The following CSMD3 variants were observed in gnomAD, a reference collection of about 807,000 sequenced individuals.
CSMD3 encodes CUB and sushi domain-containing protein 3.
A neutral mutation model predicts 435.2 loss-of-function variants in CSMD3; 177 were observed. That is an observed-to-expected ratio of 0.41 (90% confidence interval 0.36 to 0.46). The LOEUF (loss-of-function observed/expected upper bound fraction) is 0.46, where lower values mean the gene tolerates loss of function less well. Among genes scored for constraint, CSMD3 ranks in the 20% least tolerant of loss-of-function variants. CSMD3 has a pLI of 0.34. For missense variants in CSMD3, 4,265 were observed against 4,504.6 expected, an observed-to-expected ratio of 0.95 and a Z score of 1.52; for synonymous variants, 1,656 against 1,520.5, an observed-to-expected ratio of 1.09 and a Z score of -2.07.
At chr8:113,214,864 G>A (rs1173333680) in intron 3 of CSMD3, among the ~76,000 whole-genome samples, 1 of 151,712 alleles carries the variant, frequency 6.6e-6, no homozygotes, top group Non-Finnish European at 1.5e-5. Context: ...AATATATGGT[G>A]TTTCAGGTAT....
chr8:112,865,097 T>A (rs950004156), intron 10 of CSMD3, among the ~76,000 whole-genome samples: 1 of 152,178 alleles, frequency 6.6e-6, no homozygotes, highest in Non-Finnish European at 1.5e-5. Context: ...TGTCTACCAA[T>A]GTATTCCTAT....
At chr8:112,532,372 T>A (rs1315566321) in intron 27 of CSMD3, among the ~76,000 whole-genome samples, 1 of 152,022 alleles carries the variant, frequency 6.6e-6, no homozygotes, top group African/African-American at 2.4e-5. Context: ...AGGTCAAAGA[T>A]CACAAAGCAG....
At chr8:113,198,392 A>G (rs549799859) in intron 3 of CSMD3, among the ~76,000 whole-genome samples, 50 of 151,314 alleles carry the variant, frequency 3.3e-4, no homozygotes, top group African/African-American at 1.1e-3. Context: ...ACCAAAATTG[A>G]TTCATATTCC....
At chr8:112,420,844 T>C (rs1016162215) in intron 32 of CSMD3, among the ~76,000 whole-genome samples, 2 of 152,172 alleles carry the variant, frequency 1.3e-5, no homozygotes, top group East Asian at 1.9e-4. Flanking sequence ...CTCCGCTTTA[T>C]GTGTGGGACT....
chr8:113,215,290 CA>C (rs1192683467), intron 3 of CSMD3, among the ~76,000 whole-genome samples: 1 of 151,746 alleles, frequency 6.6e-6, no homozygotes, highest in Non-Finnish European at 1.5e-5. Context: ...ACATAGGCTT[CA>C]AGAGTTTCTA....
At chr8:112,372,453 G>C (rs1828491494) in intron 38 of CSMD3, among the ~76,000 whole-genome samples, 1 of 152,148 alleles carries the variant, frequency 6.6e-6, no homozygotes, top group Admixed American at 6.5e-5. Flanking sequence ...AGGTTTATCT[G>C]ATATAATTGA....
At chr8:113,234,409 T>G (rs746050696) in intron 3 of CSMD3, among the ~76,000 whole-genome samples, 7 of 152,124 alleles carry the variant, frequency 4.6e-5, no homozygotes, top group Non-Finnish European at 8.8e-5. Context: ...AAGCCCAGAC[T>G]TAACCAGCTG....
chr8:112,331,466 T>C (rs558698988), intron 45 of CSMD3, among the ~76,000 whole-genome samples: 112 of 152,140 alleles, frequency 7.4e-4, no homozygotes, highest in African/African-American at 2.6e-3. Flanking sequence ...ATAAATGTTA[T>C]TTTTGATCAT....
chr8:112,928,529 T>C (rs140174491), intron 9 of CSMD3, among the ~76,000 whole-genome samples: 2,438 of 152,082 alleles, frequency 0.016, 126 homozygotes, highest in Admixed American at 0.1. Flanking sequence ...TGAGTGAGAA[T>C]ATGTGGTGTT....
At chr8:112,252,349 G>A (rs929684) in intron 63 of CSMD3, among the ~76,000 whole-genome samples, 100,491 of 151,690 alleles carry the variant, frequency 0.66, 35,021 homozygotes, top group African/African-American at 0.88. Context: ...TCTGCGGAGA[G>A]AAAATATGAA....
chr8:112,380,875 G>A (rs1281752645), intron 37 of CSMD3, among the ~76,000 whole-genome samples: 1 of 152,122 alleles, frequency 6.6e-6, no homozygotes, highest in Non-Finnish European at 1.5e-5. Flanking sequence ...CTTTCAAAGA[G>A]ATTATTACTC....
intron 1 of CSMD3, among the ~76,000 whole-genome samples, chr8:113,377,458 A>G (rs2094393117): frequency 6.6e-6 from 1 of 152,220 alleles, no homozygotes. Flanking sequence ...AGTGAAATCT[A>G]GAGAACTAAC....
chr8:112,269,885 T>C (rs1817303995), intron 59 of CSMD3, among the ~76,000 whole-genome samples: 1 of 152,190 alleles, frequency 6.6e-6, no homozygotes, highest in Non-Finnish European at 1.5e-5. Flanking sequence ...TGTCAAAGTG[T>C]GCATAACATT....
intron 7 of CSMD3, among the ~76,000 whole-genome samples, chr8:112,969,556 T>C (rs1488389633): frequency 6.6e-6 from 1 of 151,954 alleles, no homozygotes; most frequent in Non-Finnish European, 1.5e-5. Context: ...CTATACTAGG[T>C]CAAAATAAAC....
chr8:113,030,417 TAAA>T (rs35890606), intron 5 of CSMD3, among the ~76,000 whole-genome samples: 2 of 24,350 alleles, frequency 8.2e-5, no homozygotes, highest in Non-Finnish European at 6.8e-5. Flanking sequence ...TTGGTACTGG[TAAA>T]AAAAAAAAAA....
intron 32 of CSMD3, among the ~76,000 whole-genome samples, chr8:112,453,147 T>A (rs1450515956): frequency 6.6e-6 from 1 of 152,074 alleles, no homozygotes; most frequent in Non-Finnish European, 1.5e-5. Context: ...AGAACTGGGA[T>A]GAAAATCCAC....
intron 68 of CSMD3, among the ~76,000 whole-genome samples, chr8:112,232,927 C>A (rs1053381900): frequency 1.3e-5 from 2 of 152,186 alleles, no homozygotes; most frequent in Non-Finnish European, 2.9e-5. Context: ...CTTAATACCA[C>A]AGCCTCAAGT....
At chr8:113,290,934 A>T (rs2093682235) in intron 2 of CSMD3, among the ~76,000 whole-genome samples, 1 of 151,344 alleles carries the variant, frequency 6.6e-6, no homozygotes, top group African/African-American at 2.4e-5. Flanking sequence ...TATATGAAGT[A>T]TTTTTTTAAA....
intron 2 of CSMD3, among the ~76,000 whole-genome samples, chr8:113,284,921 G>A (rs1220297238): frequency 1.3e-5 from 2 of 152,152 alleles, no homozygotes; most frequent in Non-Finnish European, 2.9e-5. Flanking sequence ...CACAGTTGAA[G>A]AAATCACAGC....
Sources: allele counts gnomAD v4.1 joint callset (sites outside exome capture counted in the v4.1 genomes callset), GRCh38; gene constraint gnomAD v4.1.1; transcripts MANE v1.5; gene names NCBI Gene and HGNC (gene_info 2026-07-23, HGNC 2026-07-21).